Variants in MAG observed in about 807,000 individuals in gnomAD.
MAG encodes myelin associated glycoprotein.
In MAG, 30 loss-of-function variants were observed where a neutral mutation model predicts 60.7. That is an observed-to-expected ratio of 0.49 (90% CI 0.37 to 0.67). MAG has a LOEUF of 0.67. Among genes scored for constraint, MAG ranks in the 30% least tolerant of loss-of-function variants. The pLI is 0.00. For synonymous variants in MAG, 384 were observed against 376.8 expected, an observed-to-expected ratio of 1.02 and a Z score of -0.22; for missense variants, 795 against 851.7, an observed-to-expected ratio of 0.93 and a Z score of 0.83.
At position 35,313,468 on chromosome 19, in the gene MAG, A is replaced by G. The variant is rs773237074; in HGVS notation, c.*14A>G. The G allele has an allele frequency of 4.4e-6, 7 of 1,605,358 alleles. No homozygotes were observed. In the African/African-American group the frequency reaches 6.7e-5, roughly 15 times the overall value. ...CGGGTCAAGTGAAGGAGCTGGGGGC[A>G]GCCTGCGTGGCTGACCCCCCTCAGG... On this transcript the variant is annotated 3_prime_UTR_variant, in exon 11 of 11. Coordinates refer to ENST00000392213, the MANE Select transcript of MAG (RefSeq NM_002361.4).
At chr19:35,311,573 A>G (rs2066527326) in intron 9 of MAG, among the ~76,000 whole-genome samples, 1 of 152,222 alleles carries the variant, frequency 6.6e-6, no homozygotes, top group African/African-American at 2.4e-5. Context: ...TGGCACACAC[A>G]CATCAGCTGT....
intron 7 of MAG, among the ~76,000 whole-genome samples, chr19:35,306,785 C>A (rs552538922): frequency 5.3e-5 from 8 of 152,286 alleles, no homozygotes; most frequent in Non-Finnish European, 1.2e-4. Context: ...CTTCGGAGTC[C>A]CGTAGCCCCT....
rs1161247539 is a variant in MAG, at chr19:35,299,670, G to A, written c.532G>A (p.Glu178Lys). The A allele has an allele frequency of 1.2e-6, 2 of 1,602,888 alleles. No individual in the cohort carries two copies. Among genetic ancestry groups the A allele is most frequent in the East Asian group, 2.3e-5 (1 of 43,976 alleles). ...CCCTGAGCTGAGCTGGCTGGGCCAC[G>A]AGGGGCTGGGGGAGCCCGCTGTGCT... Reference protein sequence around the residue: ...LRPELSWLGHEGLGEPAVLGR... With the variant: ...LRPELSWLGHKGLGEPAVLGR... The change falls in exon 5 of 11, where the codon GAG (glutamate) becomes AAG (lysine). Residue 178 changes from glutamate (E) to lysine (K), a missense_variant. Physicochemically the swap from Glu to Lys is moderately conservative, Grantham distance 56. Coordinates refer to ENST00000392213, the MANE Select transcript of MAG (RefSeq NM_002361.4).
chr19:35,297,317 AACACACACACC>A (rs551379617), intron 4 of MAG, among the ~76,000 whole-genome samples: 3 of 100,068 alleles, frequency 3.0e-5, no homozygotes, highest in Non-Finnish European at 4.2e-5. Context: ...CACCACACCA[AACACACACACC>A]ACACACACAC....
chr19:35,313,127 G>GT (rs1263154997), intron 10 of MAG, among the ~76,000 whole-genome samples, 163 bp from the exon 11 acceptor site: 1 of 152,206 alleles, frequency 6.6e-6, no homozygotes, highest in Non-Finnish European at 1.5e-5. Context: ...GTGGGACCTG[G>GT]TGACCGCAGG....
rs1599660939 is a variant in MAG, at chr19:35,312,507, T to A, written c.1716+490T>A. 2.2e-5 allele frequency: 8 copies of A among 360,024 alleles called. No homozygotes were observed. In the East Asian group the frequency reaches 5.4e-4, roughly 24 times the overall value. 22.3% of individuals were successfully genotyped at this position (360,024 alleles called of 1,614,324 possible). ...AGCTCCCTTCTGTCTGTGGCCACCG[T>A]CCTGTGTGTCCAAATTCCTGTGGCT... On this transcript the variant is annotated intron_variant, in intron 10 of 10. Coordinates refer to ENST00000392213, the MANE Select transcript of MAG (RefSeq NM_002361.4).
intron 7 of MAG, among the ~76,000 whole-genome samples, chr19:35,305,195 G>A (rs535850073): frequency 1.7e-4 from 26 of 152,280 alleles, no homozygotes; most frequent in Admixed American, 1.5e-3. Context: ...GTGTCAAAGT[G>A]CTTGCCCTTG....
intron 7 of MAG, among the ~76,000 whole-genome samples, chr19:35,305,837 T>G (rs549372577): frequency 6.6e-6 from 1 of 152,206 alleles, no homozygotes; most frequent in Non-Finnish European, 1.5e-5. Context: ...CACCTGCAGT[T>G]CCAGCTACTC....
At chr19:35,297,357 C>T (rs1264214378) in intron 4 of MAG, among the ~76,000 whole-genome samples, 1 of 148,888 alleles carries the variant, frequency 6.7e-6, no homozygotes, top group African/African-American at 2.5e-5. Context: ...AAAAACCACA[C>T]ACCACACACT....
chr19:35,294,255 G>A lies in MAG; in HGVS notation c.-59G>A, dbSNP rs1000019762. 9.2e-6 allele frequency: 4 copies of A among 435,790 alleles called. No homozygotes were observed. The highest frequency in any genetic ancestry group is 8.2e-5 in the African/African-American group (4 of 48,568). 27.0% of individuals were successfully genotyped at this position (435,790 alleles called of 1,614,324 possible). A position where few individuals can be genotyped will look rare whatever the true frequency, so the allele number is the denominator to read the frequency against. ...TGCAGGTTGTCTGGCGGCTTCAGGT[G>A]GACCCAGAAGACGTCCCCAACTCAG... On this transcript the variant is annotated 5_prime_UTR_variant, in exon 2 of 11. Coordinates refer to ENST00000392213, the MANE Select transcript of MAG (RefSeq NM_002361.4).
At chr19:35,310,453 A>T (rs2066518639) in intron 8 of MAG, 94 bp from the exon 9 acceptor site, 1 of 1,112,542 alleles carries the variant, frequency 9.0e-7, no homozygotes. Context: ...CTGTGTGACT[A>T]CATTGACTGT....
intron 4 of MAG, among the ~76,000 whole-genome samples, chr19:35,298,391 A>G (rs1266983896): frequency 1.3e-5 from 2 of 150,130 alleles, no homozygotes; most frequent in Admixed American, 1.3e-4. Flanking sequence ...CACCAAACAC[A>G]CACCACACAA....
intron 5 of MAG, 118 bp from the exon 6 acceptor site, chr19:35,300,029 G>A: frequency 7.3e-7 from 1 of 1,378,328 alleles, no homozygotes; most frequent in Non-Finnish European, 9.5e-7. Flanking sequence ...CAGTCCTGGG[G>A]CGGGGCCAAG....
intron 1 of MAG, among the ~76,000 whole-genome samples, 169 bp from the exon 2 acceptor site, chr19:35,294,066 T>C (rs1252854960): frequency 6.6e-6 from 1 of 151,856 alleles, no homozygotes; most frequent in African/African-American, 2.4e-5. Context: ...GAGGGAGTTG[T>C]TGCCAGAGAG....
chr19:35,304,928 G>A (rs1170478955), intron 7 of MAG, among the ~76,000 whole-genome samples: 2 of 152,174 alleles, frequency 1.3e-5, no homozygotes, highest in African/African-American at 2.4e-5. Flanking sequence ...ACTCAAGGGC[G>A]GAATTCCCTG....
At chr19:35,300,003 C>CG in intron 5 of MAG, 144 bp from the exon 6 acceptor site, 1 of 104,720 alleles carries the variant, frequency 9.5e-6, no homozygotes, top group Non-Finnish European at 1.3e-5. Flanking sequence ...TTGGGTGGGA[C>CG]GGGGGCGGAA....
intron 10 of MAG, 169 bp downstream of exon 10, chr19:35,312,186 C>A: frequency 1.5e-6 from 2 of 1,340,182 alleles, no homozygotes; most frequent in Non-Finnish European, 2.1e-6. Context: ...AGGAGGTGCC[C>A]AGGCCGAAGC....
At chr19:35,302,745 G>C (rs575786963) in intron 7 of MAG, 37 bp downstream of exon 7, 1 of 1,600,684 alleles carries the variant, frequency 6.2e-7, no homozygotes, top group South Asian at 1.1e-5. Flanking sequence ...GGGGATGGAC[G>C]GTTCCGTGGG....
In MAG at chr19:35,312,031, T is replaced by TCCAGGTAAGGA; in HGVS notation, c.1716+19_1716+20insTAAGGACCAGG. On this transcript the variant is annotated intron_variant, in intron 10 of 10. Coordinates refer to ENST00000392213, the MANE Select transcript of MAG (RefSeq NM_002361.4). Reference sequence around the variant, plus strand: ...GAGAAGTACGAGGTAAGGACCAGGCTCCAGGCTGGCCTGGGAACCTGGATG... The same window carrying TCCAGGTAAGGA: ...GAGAAGTACGAGGTAAGGACCAGGCTCCAGGTAAGGACCAGGCTGGCCTGGGAACCTGGATG... 6.2e-7 allele frequency: 1 copy of TCCAGGTAAGGA among 1,608,770 alleles called. No individual in the cohort carries two copies. The highest frequency in any genetic ancestry group is 8.5e-7 in the Non-Finnish European group (1 of 1,177,114).
Sources: gnomAD v4.1 joint callset for allele counts (sites outside exome capture counted in the v4.1 genomes callset) on GRCh38, gnomAD v4.1.1 for gene constraint, MANE v1.5 for transcripts, NCBI Gene and HGNC (gene_info 2026-07-23, HGNC 2026-07-21) for gene names.